ITFG1: variants seen among roughly 807,000 people sequenced by gnomAD.
ITFG1 encodes the protein integrin alpha FG-GAP repeat containing 1.
Under a neutral mutation model 81.8 loss-of-function variants are expected in ITFG1, and 34 were observed. That is an observed-to-expected ratio of 0.42 (90% CI 0.32 to 0.55). ITFG1 has a LOEUF of 0.55. Ranked by LOEUF, ITFG1 falls within the 20% of genes least tolerant of loss-of-function variation. The pLI, the probability that ITFG1 is intolerant of heterozygous loss-of-function variation, is 0.17. For missense variants in ITFG1, 672 were observed against 755.4 expected (o/e 0.89, Z 1.29); for synonymous variants, 285 against 270.6 (o/e 1.05, Z -0.52).
chr16:47,444,361 G>T (rs924436906), intron 5 of ITFG1, among the ~76,000 whole-genome samples: 2 of 152,156 alleles, frequency 1.3e-5, no homozygotes, highest in South Asian at 4.1e-4. Context: ...AGATGTAATA[G>T]CTCTTCAGTA....
At position 47,166,222 on chromosome 16, in the gene ITFG1, G is replaced by A. The variant is rs117541535; in HGVS notation, c.1454-3558C>T. On this transcript the variant is annotated intron_variant, in intron 14 of 17. Coordinates refer to ENST00000320640, the MANE Select transcript of ITFG1 (RefSeq NM_030790.5). ...AACCTTGGTCTCCACAACCCCTTAT[G>A]TTAAAAGACTTATTTTGTCTACATG... Among the ~76,000 whole-genome samples, 265 of 152,256 alleles carry A rather than the reference G, an allele frequency of 1.7e-3. 3 individuals are homozygous for A. The East Asian group carries it at 0.042, about 24-fold the overall frequency.
rs1567439755 is a variant in ITFG1, at chr16:47,263,964, A to C, written c.1071-3269T>G. On this transcript the variant is annotated intron_variant, in intron 10 of 17. Transcript: ENST00000320640. ...TAAAAATAAAATTTGATTTAAGCCA[A>C]AGGAGGAAGAACCTTTACCCATTTG... 3.3e-5 allele frequency among the ~76,000 whole-genome samples: 5 copies of C among 152,304 alleles called. No homozygotes were observed. The South Asian group carries it at 1.0e-3, about 32-fold the overall frequency.
chr16:47,159,178 T>C (rs1282880631), intron 16 of ITFG1, among the ~76,000 whole-genome samples, 188 bp from the exon 17 acceptor site: 1 of 152,190 alleles, frequency 6.6e-6, no homozygotes, highest in African/African-American at 2.4e-5. Flanking sequence ...CTGAGAATAT[T>C]GATGATTCTG....
At chr16:47,432,917 C>A (rs1000858611) in intron 5 of ITFG1, among the ~76,000 whole-genome samples, 1 of 152,040 alleles carries the variant, frequency 6.6e-6, no homozygotes, top group African/African-American at 2.4e-5. Flanking sequence ...AAGTTTAACC[C>A]AAAGTAATTT....
chr16:47,380,031 AGG>A (rs1968376143), intron 6 of ITFG1, among the ~76,000 whole-genome samples: 1 of 127,850 alleles, frequency 7.8e-6, no homozygotes, highest in East Asian at 2.4e-4. Flanking sequence ...TGAAAGGAAG[AGG>A]GTCTCTTGGG....
At chr16:47,197,381 ACCAACTG>A (rs1965370569) in intron 14 of ITFG1, among the ~76,000 whole-genome samples, 1 of 152,170 alleles carries the variant, frequency 6.6e-6, no homozygotes, top group African/African-American at 2.4e-5. Flanking sequence ...AACTCTTTCA[ACCAACTG>A]CCAATCACAA....
At chr16:47,162,383 T>C (rs1355416200) in intron 15 of ITFG1, among the ~76,000 whole-genome samples, 157 bp downstream of exon 15, 1 of 152,126 alleles carries the variant, frequency 6.6e-6, no homozygotes, top group Non-Finnish European at 1.5e-5. Context: ...TAAGCTTAGG[T>C]CACTACCAAT....
At chr16:47,184,518 C>G (rs1390204149) in intron 14 of ITFG1, among the ~76,000 whole-genome samples, 1 of 151,922 alleles carries the variant, frequency 6.6e-6, no homozygotes, top group Non-Finnish European at 1.5e-5. Flanking sequence ...ATTTCATATC[C>G]AGCCAAACTA....
Position 47,311,410 on chromosome 16 carries a change from C to A in ITFG1, c.900G>T (p.Trp300Cys). The change falls in exon 10 of 18, where the codon TGG becomes TGT. Residue 300 changes from tryptophan to cysteine, a missense_variant and splice_region_variant. Trp to Cys is a radical substitution (Grantham distance 215). Around this residue, in one of 3 missense-constraint regions of ITFG1, gnomAD observed 560 missense variants for 625.7 expected, o/e 0.90. Coordinates refer to ENST00000320640, the MANE Select transcript of ITFG1 (RefSeq NM_030790.5). ...IYLVRSGMKQ[W>C]VPVLQDFSNK... The stretch of plus-strand genomic sequence containing the variant: ...TGCTGAAATCTTGTAGGACTGGAAC[C>A]CACTATGGATTAAGAGAAAAAGATC... 1 of 1,602,730 alleles carries A rather than the reference C, an allele frequency of 6.2e-7. No homozygotes were observed. The highest frequency in any genetic ancestry group is 8.5e-7 in the Non-Finnish European group (1 of 1,174,902).
intron 8 of ITFG1, among the ~76,000 whole-genome samples, chr16:47,337,475 C>G (rs1967722007): frequency 6.6e-6 from 1 of 151,966 alleles, no homozygotes; most frequent in African/African-American, 2.4e-5. Context: ...GAGGCTGAAG[C>G]AGGAGAATCA....
At chr16:47,171,941 T>C (rs1190049884) in intron 14 of ITFG1, among the ~76,000 whole-genome samples, 1 of 152,158 alleles carries the variant, frequency 6.6e-6, no homozygotes, top group Non-Finnish European at 1.5e-5. Context: ...TTCTTTTATG[T>C]TTACTGGCAG....
At chr16:47,280,895 G>A (rs1966444722) in intron 10 of ITFG1, among the ~76,000 whole-genome samples, 1 of 152,112 alleles carries the variant, frequency 6.6e-6, no homozygotes, top group Non-Finnish European at 1.5e-5. Context: ...TTGTGAGGGT[G>A]GGACACTCTA....
intron 10 of ITFG1, among the ~76,000 whole-genome samples, chr16:47,305,110 G>A (rs1415356315): frequency 1.3e-5 from 2 of 152,120 alleles, no homozygotes; most frequent in African/African-American, 2.4e-5. Flanking sequence ...GGTACCACTA[G>A]TGTATAAGTA....
intron 8 of ITFG1, among the ~76,000 whole-genome samples, chr16:47,345,688 T>A (rs1317641740): frequency 6.6e-6 from 1 of 152,202 alleles, no homozygotes; most frequent in East Asian, 1.9e-4. Context: ...GGGCTGCAGG[T>A]TGGACAAGGT....
intron 8 of ITFG1, among the ~76,000 whole-genome samples, chr16:47,315,853 C>T (rs1040596133): frequency 1.3e-4 from 19 of 151,718 alleles, no homozygotes; most frequent in African/African-American, 3.9e-4. Flanking sequence ...TGCAGTGGCA[C>T]GATCTCAGCT....
At chr16:47,380,155 C>G (rs1968378317) in intron 6 of ITFG1, among the ~76,000 whole-genome samples, 2 of 151,600 alleles carry the variant, frequency 1.3e-5, no homozygotes, top group Admixed American at 6.6e-5. Context: ...GTTAAATTCT[C>G]AACCATAGCA....
chr16:47,301,863 A>C (rs1967081958), intron 10 of ITFG1, among the ~76,000 whole-genome samples: 1 of 152,186 alleles, frequency 6.6e-6, no homozygotes, highest in Admixed American at 6.5e-5. Context: ...AACAGGACTC[A>C]TTTTATTGGT....
At chr16:47,391,578 C>T (rs1004868291) in intron 6 of ITFG1, among the ~76,000 whole-genome samples, 2 of 152,112 alleles carry the variant, frequency 1.3e-5, no homozygotes, top group African/African-American at 4.8e-5. Flanking sequence ...TATTTTGCAG[C>T]ATATATAGTG....
intron 13 of ITFG1, among the ~76,000 whole-genome samples, chr16:47,237,028 G>A (rs533392254): frequency 2.6e-5 from 4 of 152,252 alleles, no homozygotes; most frequent in South Asian, 2.1e-4. Context: ...GGCTCAGTTC[G>A]GGCCACATTT....
Sources: gnomAD v4.1 joint callset for allele counts (sites outside exome capture counted in the v4.1 genomes callset) on GRCh38, gnomAD v4.1.1 for gene constraint, gnomAD v4.1.1 regional missense constraint, MANE v1.5 for transcripts, NCBI Gene and HGNC (gene_info 2026-07-23, HGNC 2026-07-21) for gene names.